SH3RF1: variants seen among roughly 807,000 people sequenced by gnomAD.
The protein encoded by SH3RF1 is E3 ubiquitin-protein ligase SH3RF1.
In SH3RF1, 32 loss-of-function variants were observed where a neutral mutation model predicts 74.0. The ratio of observed to expected loss-of-function variants is 0.43; its 90% CI spans 0.33 to 0.58. The LOEUF (loss-of-function observed/expected upper bound fraction) is 0.58. Ranked by LOEUF, SH3RF1 falls within the 20% of genes least tolerant of loss-of-function variation. The pLI, the probability that SH3RF1 is intolerant of heterozygous loss-of-function variation, is 0.05. For missense variants in SH3RF1, 954 were observed against 1,130.9 expected, an observed-to-expected ratio of 0.84 and a Z score of 2.24; for synonymous variants, 396 against 439.6, an observed-to-expected ratio of 0.90 and a Z score of 1.24.
chr4:169,213,172 T>G (rs577227355), intron 2 of SH3RF1, among the ~76,000 whole-genome samples: 6 of 152,378 alleles, frequency 3.9e-5, no homozygotes, highest in Admixed American at 3.9e-4. Context: ...AGAATTCCTG[T>G]TGATCCACAT....
chr4:169,126,761 AT>A (rs1216617540), intron 6 of SH3RF1, among the ~76,000 whole-genome samples: 2 of 149,454 alleles, frequency 1.3e-5, no homozygotes, highest in East Asian at 2.0e-4. Flanking sequence ...TTAAAAAAAA[AT>A]TTTTTTTTTG....
intron 2 of SH3RF1, among the ~76,000 whole-genome samples, chr4:169,189,512 T>G (rs1175469546): frequency 6.6e-6 from 1 of 152,210 alleles, no homozygotes; most frequent in Non-Finnish European, 1.5e-5. Context: ...GCAGGTACAC[T>G]GTTGCTTTCC....
rs1307920156 is a variant in SH3RF1, at chr4:169,155,460, G to A, written c.765+20C>T. 2 of 1,560,046 alleles carry A rather than the reference G, an allele frequency of 1.3e-6. No homozygotes were observed. Among genetic ancestry groups the A allele is most frequent in the South Asian group, 2.2e-5 (2 of 89,916 alleles). On this transcript the variant is annotated intron_variant, in intron 4 of 11. Coordinates refer to ENST00000284637, the MANE Select transcript of SH3RF1 (RefSeq NM_020870.4). ...TAAGCTGAATATTAACACAGTTCAA[G>A]TTTCTACAGATTAATTTACCTCAAC...
At chr4:169,136,169 A>C in intron 5 of SH3RF1, 149 bp downstream of exon 5, 1 of 821,184 alleles carries the variant, frequency 1.2e-6, no homozygotes, top group Admixed American at 2.8e-5. Flanking sequence ...TTCCACTTAC[A>C]AAATGAAGAC....
At chr4:169,199,812 G>A (rs1435488947) in intron 2 of SH3RF1, among the ~76,000 whole-genome samples, 1 of 152,082 alleles carries the variant, frequency 6.6e-6, no homozygotes, top group Non-Finnish European at 1.5e-5. Context: ...TTAAGGTAAG[G>A]TGACAGTAAC....
chr4:169,231,686 C>G (rs187230228), intron 2 of SH3RF1, among the ~76,000 whole-genome samples: 2 of 152,318 alleles, frequency 1.3e-5, no homozygotes, highest in Admixed American at 1.3e-4. Context: ...ACTCACTCCT[C>G]CATCCAACAT....
intron 2 of SH3RF1, among the ~76,000 whole-genome samples, chr4:169,207,559 T>C (rs956252102): frequency 6.6e-6 from 1 of 152,214 alleles, no homozygotes; most frequent in Non-Finnish European, 1.5e-5. Context: ...GGCCTCTGAA[T>C]CAACAATACC....
At chr4:169,162,602 T>C (rs911536449) in intron 2 of SH3RF1, among the ~76,000 whole-genome samples, 1 of 152,208 alleles carries the variant, frequency 6.6e-6, no homozygotes, top group Non-Finnish European at 1.5e-5. Flanking sequence ...CATACTAACT[T>C]TAATCAAAAC....
intron 2 of SH3RF1, among the ~76,000 whole-genome samples, chr4:169,185,447 A>T (rs570955595): frequency 6.6e-6 from 1 of 152,320 alleles, no homozygotes; most frequent in South Asian, 2.1e-4. Context: ...ACAAACAAAC[A>T]AACAAAAAAC....
At chr4:169,102,945 G>T in intron 11 of SH3RF1, among the ~76,000 whole-genome samples, 2 of 99,998 alleles carry the variant, frequency 2.0e-5, no homozygotes, top group Non-Finnish European at 1.9e-5. Flanking sequence ...TTTTTGAGAT[G>T]GAGTCTCGCT....
At chr4:169,245,211 C>T (rs775646945) in intron 2 of SH3RF1, among the ~76,000 whole-genome samples, 7 of 152,148 alleles carry the variant, frequency 4.6e-5, no homozygotes, top group Non-Finnish European at 8.8e-5. Flanking sequence ...ACAACTTTAA[C>T]GCTACCAACT....
At chr4:169,255,314 C>T (rs1438834461) in intron 2 of SH3RF1, among the ~76,000 whole-genome samples, 2 of 152,146 alleles carry the variant, frequency 1.3e-5, no homozygotes, top group Non-Finnish European at 2.9e-5. Flanking sequence ...TAGCAAGGCT[C>T]TTCACTGTTG....
intron 2 of SH3RF1, among the ~76,000 whole-genome samples, chr4:169,265,919 C>T (rs1018749840): frequency 1.3e-5 from 2 of 152,192 alleles, no homozygotes; most frequent in South Asian, 4.1e-4. Context: ...TACTTAAAAA[C>T]CATGCTTTCC....
intron 2 of SH3RF1, among the ~76,000 whole-genome samples, chr4:169,164,737 A>G (rs1734208241): frequency 6.6e-6 from 1 of 152,202 alleles, no homozygotes; most frequent in African/African-American, 2.4e-5. Flanking sequence ...GTCTTATACT[A>G]AGCAAATGGC....
chr4:169,137,282 C>A (rs1733716422), intron 4 of SH3RF1, among the ~76,000 whole-genome samples: 1 of 152,152 alleles, frequency 6.6e-6, no homozygotes, highest in African/African-American at 2.4e-5. Flanking sequence ...ACATGAAATT[C>A]AAGTCCTATT....
intron 2 of SH3RF1, among the ~76,000 whole-genome samples, chr4:169,261,038 C>T (rs988836605): frequency 6.6e-6 from 1 of 152,212 alleles, no homozygotes; most frequent in African/African-American, 2.4e-5. Flanking sequence ...CTGTGCCAGA[C>T]ACTACAAAGG....
At chr4:169,130,935 G>A (rs1169655944) in intron 5 of SH3RF1, among the ~76,000 whole-genome samples, 1 of 152,194 alleles carries the variant, frequency 6.6e-6, no homozygotes, top group Middle Eastern at 3.2e-3. Flanking sequence ...CTGCACAAAT[G>A]GAAGTGTTTC....
At chr4:169,142,885 A>G (rs1579103787) in intron 4 of SH3RF1, among the ~76,000 whole-genome samples, 1 of 152,122 alleles carries the variant, frequency 6.6e-6, no homozygotes, top group East Asian at 1.9e-4. Flanking sequence ...TTTGTCTCCT[A>G]TTCTTCCCTA....
intron 11 of SH3RF1, among the ~76,000 whole-genome samples, chr4:169,101,246 G>A (rs963088842): frequency 2.0e-5 from 3 of 152,112 alleles, no homozygotes; most frequent in Admixed American, 2.0e-4. Context: ...TAGTTGTATA[G>A]AAAAACTGTT....
Sources: gnomAD v4.1 joint callset for allele counts (sites outside exome capture counted in the v4.1 genomes callset) on GRCh38, gnomAD v4.1.1 for gene constraint, MANE v1.5 for transcripts, NCBI Gene and HGNC (gene_info 2026-07-23, HGNC 2026-07-21) for gene names.